Variants in SNRPA observed in about 807,000 individuals in gnomAD.
SNRPA encodes the protein small nuclear ribonucleoprotein polypeptide A.
Under a neutral mutation model 24.5 loss-of-function variants are expected in SNRPA, and 10 were observed. That is an observed-to-expected ratio of 0.41 (90% CI 0.25 to 0.69). The LOEUF is 0.69. Ranked by LOEUF, SNRPA falls within the 30% of genes least tolerant of loss-of-function variation. SNRPA has a pLI of 0.33. For synonymous variants in SNRPA, 165 were observed against 148.4 expected (o/e 1.11, Z -0.81); for missense variants, 283 against 394.7 (o/e 0.72, Z 2.40).
rs769916012 is a variant in SNRPA, at chr19:40,765,172, T to G, written c.*5T>G. 3.1e-5 allele frequency: 47 copies of G among 1,514,816 alleles called. No individual in the cohort carries two copies. The highest frequency in any genetic ancestry group is 2.8e-5 in the Non-Finnish European group (32 of 1,127,564). 93.8% of individuals were successfully genotyped at this position (1,514,816 alleles called of 1,614,324 possible). ...ATCTCCTTTGCCAAGAAGTAGCACC[T>G]TTTCCCCCCATGCCTGCCCCTTCCC... On this transcript the variant is annotated 3_prime_UTR_variant, in exon 6 of 6. Transcript: ENST00000243563.
rs2076808 is a variant in SNRPA at position 40,759,278 on chromosome 19, G to A, written c.247-153G>A. On this transcript the variant is annotated intron_variant, in intron 2 of 5. Coordinates refer to ENST00000243563, the MANE Select transcript of SNRPA (RefSeq NM_004596.5). ...TTGGCCAAGCTGGTCTCCACCTCCT[G>A]GCCTCAAGTGATCTGCTCGCTTTAG... Among the ~76,000 whole-genome samples, 615 of 151,610 alleles carry A rather than the reference G, an allele frequency of 4.1e-3. 2 individuals are homozygous for A. The highest frequency in any genetic ancestry group is 0.013 in the African/African-American group (541 of 41,352).
chr19:40,762,859 T>A, intron 3 of SNRPA, 42 bp from the exon 4 acceptor site: 1 of 1,600,538 alleles, frequency 6.2e-7, no homozygotes. Flanking sequence ...CTCTGCCTCC[T>A]GGGGCTGCTG....
chr19:40,758,228 A>G (rs955790347), intron 2 of SNRPA, among the ~76,000 whole-genome samples: 1 of 152,024 alleles, frequency 6.6e-6, no homozygotes, highest in Non-Finnish European at 1.5e-5. Flanking sequence ...CAGCCTCCCA[A>G]AGTGCTAGGA....
intron 1 of SNRPA, among the ~76,000 whole-genome samples, chr19:40,755,158 C>T (rs767027923): frequency 1.3e-5 from 2 of 151,032 alleles, no homozygotes; most frequent in Non-Finnish European, 2.9e-5. Flanking sequence ...CTCACTGTAA[C>T]TTTTGCCTCT....
At chr19:40,755,795 G>A (rs1034728853) in intron 1 of SNRPA, among the ~76,000 whole-genome samples, 3 of 152,230 alleles carry the variant, frequency 2.0e-5, no homozygotes, top group Non-Finnish European at 4.4e-5. Context: ...CTTTGCTGGT[G>A]AGATGTGGTG....
At chr19:40,751,527 T>C (rs2082862880) in intron 1 of SNRPA, 46 bp downstream of exon 1, 2 of 1,405,492 alleles carry the variant, frequency 1.4e-6, no homozygotes, top group Non-Finnish European at 2.0e-6. Flanking sequence ...CCGCACGGGC[T>C]GGCCCCTCTT....
chr19:40,762,469 G>A (rs1159126257), intron 3 of SNRPA, among the ~76,000 whole-genome samples: 1 of 151,620 alleles, frequency 6.6e-6, no homozygotes, highest in African/African-American at 2.4e-5. Context: ...CGCCTGCCTC[G>A]GCCTCCCAAA....
chr19:40,753,387 T>TTTTTTTTTG (rs1568483767), intron 1 of SNRPA, among the ~76,000 whole-genome samples: 7 of 23,208 alleles, frequency 3.0e-4, no homozygotes, highest in African/African-American at 1.0e-3. Flanking sequence ...TGCATATGTT[T>TTTTTTTTTG]TTTTTTTTTT....
chr19:40,757,969 A>G (rs955821002), intron 2 of SNRPA, among the ~76,000 whole-genome samples: 1 of 151,160 alleles, frequency 6.6e-6, no homozygotes, highest in African/African-American at 2.4e-5. Flanking sequence ...AAATAAATAA[A>G]TAAATAAATT....
intron 1 of SNRPA, 113 bp from the exon 2 acceptor site, chr19:40,757,219 G>T: frequency 2.1e-6 from 2 of 973,066 alleles, no homozygotes; most frequent in Non-Finnish European, 3.1e-6. Flanking sequence ...GGTCTTGAGA[G>T]ATTATGGACC....
At chr19:40,755,014 A>C (rs995554903) in intron 1 of SNRPA, among the ~76,000 whole-genome samples, 1 of 144,462 alleles carries the variant, frequency 6.9e-6, no homozygotes, top group Non-Finnish European at 1.5e-5. Flanking sequence ...GCCCCCACCC[A>C]GCCTACACAT....
chr19:40,753,260 A>G (rs915996563), intron 1 of SNRPA, among the ~76,000 whole-genome samples: 6 of 151,514 alleles, frequency 4.0e-5, no homozygotes, highest in Non-Finnish European at 8.8e-5. Context: ...GAGGCTGAGC[A>G]GGAGAATCAC....
chr19:40,762,815 C>T (rs1310605304), intron 3 of SNRPA, 86 bp from the exon 4 acceptor site: 1 of 1,415,650 alleles, frequency 7.1e-7, no homozygotes, highest in African/African-American at 1.4e-5. Flanking sequence ...TTCCTTACAT[C>T]TCTCACCCGC....
intron 1 of SNRPA, among the ~76,000 whole-genome samples, chr19:40,756,616 TGTG>T (rs758767589): frequency 3.6e-4 from 54 of 148,186 alleles, no homozygotes; most frequent in East Asian, 3.9e-4. Context: ...AAAAAAAAAT[TGTG>T]GTGGAGTCTG....
At chr19:40,763,198 T>G in intron 4 of SNRPA, 124 bp downstream of exon 4, 1 of 693,706 alleles carries the variant, frequency 1.4e-6, no homozygotes, top group Non-Finnish European at 2.4e-6. Context: ...GAGGTGGTAC[T>G]GAATGAGGAA....
At chr19:40,759,648 G>A (rs899043063) in intron 3 of SNRPA, 38 bp downstream of exon 3, 12 of 1,558,948 alleles carry the variant, frequency 7.7e-6, no homozygotes, top group Non-Finnish European at 1.0e-5. Flanking sequence ...CCCACTGCCA[G>A]ACCTTCCTCA....
At chr19:40,757,551 A>C in intron 2 of SNRPA, 47 bp downstream of exon 2, 1 of 1,539,238 alleles carries the variant, frequency 6.5e-7, no homozygotes, top group East Asian at 2.3e-5. Flanking sequence ...AAAATGTTAT[A>C]GGAGACTGGG....
At chr19:40,763,519 G>A in intron 4 of SNRPA, 68 bp from the exon 5 acceptor site, 2 of 1,162,882 alleles carry the variant, frequency 1.7e-6, no homozygotes, top group South Asian at 2.4e-5. Context: ...TGGAGGAAGT[G>A]GCAGTACTAT....
chr19:40,761,458 CTTTTTTTTTTTT>C (rs200242370), intron 3 of SNRPA, among the ~76,000 whole-genome samples: 7,339 of 86,068 alleles, frequency 0.085, 227 homozygotes, highest in East Asian at 0.25. Flanking sequence ...TTTTCTTTTT[CTTTTTTTTTTTT>C]TTTTTTTTTT....
Sources: gnomAD v4.1 joint callset for allele counts (sites outside exome capture counted in the v4.1 genomes callset) on GRCh38, gnomAD v4.1.1 for gene constraint, MANE v1.5 for transcripts, NCBI Gene and HGNC (gene_info 2026-07-23, HGNC 2026-07-21) for gene names.